VPS13B: variants seen among roughly 807,000 people sequenced by gnomAD.
The protein encoded by VPS13B is intermembrane lipid transfer protein VPS13B.
A neutral mutation model predicts 426.4 loss-of-function variants in VPS13B; 285 were observed. The ratio of observed to expected loss-of-function variants is 0.67; its 90% CI spans 0.61 to 0.74. VPS13B has a LOEUF of 0.74. VPS13B is among the 30% of genes least tolerant of loss of function. VPS13B has a pLI of 0.00. For synonymous variants in VPS13B, 1,676 were observed against 1,676.4 expected (o/e 1.00, Z 0.01); for missense variants, 4,537 against 4,782.6 (o/e 0.95, Z 1.51).
At chr8:99,507,113 A>T (rs778580771) in intron 27 of VPS13B, 24 bp from the exon 28 acceptor site, 1 of 1,613,616 alleles carries the variant, frequency 6.2e-7, no homozygotes, top group African/African-American at 1.3e-5. Flanking sequence ...AAGAGAACAG[A>T]TAAGGTGAAC....
At chr8:99,387,677 G>T (rs1455431969) in intron 20 of VPS13B, among the ~76,000 whole-genome samples, 1 of 151,964 alleles carries the variant, frequency 6.6e-6, no homozygotes, top group Non-Finnish European at 1.5e-5. Context: ...GAATTGCATA[G>T]TTGAGCCATA....
At chr8:99,132,089 G>T (rs1809834422) in intron 8 of VPS13B, among the ~76,000 whole-genome samples, 1 of 152,094 alleles carries the variant, frequency 6.6e-6, no homozygotes. Context: ...TAGAGATGGG[G>T]TTTCACCACT....
intron 19 of VPS13B, among the ~76,000 whole-genome samples, chr8:99,370,822 C>A (rs1805157331): frequency 6.6e-6 from 1 of 152,042 alleles, no homozygotes; most frequent in Non-Finnish European, 1.5e-5. Context: ...TTTGGCCAGG[C>A]TGGTCTCGAA....
At chr8:99,032,839 C>T (rs1468197959) in intron 2 of VPS13B, among the ~76,000 whole-genome samples, 2 of 151,944 alleles carry the variant, frequency 1.3e-5, no homozygotes, top group African/African-American at 4.8e-5. Flanking sequence ...TGCGCCTGGC[C>T]CGAATTATTT....
At chr8:99,479,096 C>T (rs1263156257) in intron 24 of VPS13B, among the ~76,000 whole-genome samples, 1 of 152,102 alleles carries the variant, frequency 6.6e-6, no homozygotes, top group Non-Finnish European at 1.5e-5. Flanking sequence ...GGCCCTTCCT[C>T]TCTAGCCACC....
At chr8:99,680,605 A>G (rs1436548249) in intron 35 of VPS13B, among the ~76,000 whole-genome samples, 1 of 152,224 alleles carries the variant, frequency 6.6e-6, no homozygotes, top group Admixed American at 6.5e-5. Context: ...TATGTTCTGA[A>G]AATGGTGAGA....
In VPS13B at chr8:99,870,165, T is replaced by TAACA. The variant is rs962447039; in HGVS notation, c.11393-618_11393-615dup. On this transcript the variant is annotated intron_variant, in intron 59 of 61. Coordinates refer to ENST00000357162, the MANE Select transcript of VPS13B (RefSeq NM_152564.5). ...ATACAGAAGTATTAAGGAAGTTAAC[T>TAACA]AACAATCTAGACTTTTTTTTTTAGA... is the stretch of plus-strand genomic sequence containing the variant. Among the ~76,000 whole-genome samples, 146 of 151,968 alleles carry TAACA rather than the reference T, an allele frequency of 9.6e-4. 1 individual carries two copies. Among genetic ancestry groups the TAACA allele is most frequent in the African/African-American group, 3.4e-3 (141 of 41,250 alleles).
Position 99,167,639 on chromosome 8 carries a change from A to G in VPS13B, c.2209-2400A>G, listed in dbSNP as rs113643353. On this transcript the variant is annotated intron_variant, in intron 15 of 61. Transcript: ENST00000357162. ...TTCTAAATCCATTACAATTTCTTCT[A>G]TTTGAGATATTAATTCAAGAACATT... 1.8e-3 allele frequency among the ~76,000 whole-genome samples: 276 copies of G among 152,226 alleles called. 1 individual carries two copies. Among genetic ancestry groups the G allele is most frequent in the African/African-American group, 6.3e-3 (262 of 41,582 alleles).
intron 42 of VPS13B, among the ~76,000 whole-genome samples, chr8:99,783,223 T>C (rs947108860): frequency 6.6e-6 from 1 of 152,156 alleles, no homozygotes; most frequent in Non-Finnish European, 1.5e-5. Flanking sequence ...TGCTTCTGAG[T>C]TGTATCTCTG....
At chr8:99,394,103 A>G (rs1171639043) in intron 21 of VPS13B, among the ~76,000 whole-genome samples, 2 of 152,272 alleles carry the variant, frequency 1.3e-5, no homozygotes, top group South Asian at 2.1e-4. Flanking sequence ...AGCATTAGGT[A>G]TAAATCAGTA....
intron 19 of VPS13B, among the ~76,000 whole-genome samples, chr8:99,296,638 A>G (rs1820056856): frequency 6.6e-6 from 1 of 152,208 alleles, no homozygotes; most frequent in African/African-American, 2.4e-5. Context: ...TCCTATGTTA[A>G]AACTTAATCA....
At position 99,828,390 on chromosome 8, in the gene VPS13B, CA is replaced by C. The variant is rs1814820790; in HGVS notation, c.9331-3978del. 3.1e-5 allele frequency among the ~76,000 whole-genome samples: 3 copies of C among 96,836 alleles called. 1 individual carries two copies. Among genetic ancestry groups the C allele is most frequent in the Non-Finnish European group, 6.0e-5 (3 of 50,080 alleles). 63.5% of individuals were successfully genotyped at this position (96,836 alleles called of 152,430 possible). A position where few individuals can be genotyped will look rare whatever the true frequency, so the allele number is the denominator to read the frequency against. On this transcript the variant is annotated intron_variant, in intron 51 of 61. Transcript: ENST00000357162. ...TTTTATCAGAGACTAGGATTACAACCACCGTTTTTTTTTTTTTTTTTTTTTT... is the reference window on the plus strand; with the variant it reads ...TTTTATCAGAGACTAGGATTACAACCCCGTTTTTTTTTTTTTTTTTTTTTT...
At chr8:99,557,275 T>C (rs560324729) in intron 31 of VPS13B, among the ~76,000 whole-genome samples, 1 of 152,016 alleles carries the variant, frequency 6.6e-6, no homozygotes, top group Non-Finnish European at 1.5e-5. Context: ...ATGTAGTCTT[T>C]TATCCCTCAC....
intron 8 of VPS13B, among the ~76,000 whole-genome samples, chr8:99,130,683 T>A (rs1809738524): frequency 1.3e-5 from 2 of 152,068 alleles, no homozygotes; most frequent in Admixed American, 6.6e-5. Flanking sequence ...AGCCACCGCA[T>A]GAGTCCTTTT....
chr8:99,143,174 C>T lies in VPS13B; in HGVS notation c.1843+9C>T. The T allele has an allele frequency of 1.2e-6, 2 of 1,613,844 alleles. No individual in the cohort carries two copies. The highest frequency in any genetic ancestry group is 2.2e-5 in the South Asian group (2 of 91,014). Reference sequence around the variant, plus strand: ...TAGCAGGCTAAAATCAGGTTTGTTTCTGGATTAATTTTGAATCTTTTGCCA... The same window carrying T: ...TAGCAGGCTAAAATCAGGTTTGTTTTTGGATTAATTTTGAATCTTTTGCCA... On this transcript the variant is annotated intron_variant, in intron 13 of 61. Coordinates refer to ENST00000357162, the MANE Select transcript of VPS13B (RefSeq NM_152564.5).
intron 2 of VPS13B, among the ~76,000 whole-genome samples, chr8:99,035,797 A>G (rs1842715549): frequency 6.6e-6 from 1 of 152,192 alleles, no homozygotes; most frequent in Admixed American, 6.5e-5. Context: ...AAGAGTGTAT[A>G]AGTATTCCAT....
rs542987280 is a variant in VPS13B, at chr8:99,167,849, A to G, written c.2209-2190A>G. Among the ~76,000 whole-genome samples, 5 of 152,190 alleles carry G rather than the reference A, an allele frequency of 3.3e-5. No individual in the cohort carries two copies. The East Asian group carries it at 5.8e-4, about 18-fold the overall frequency. Reference sequence around the variant, plus strand: ...GGTAGTTATACTTACTGTTTCATACATTTTTATTGCTCCAGATTATTAGTT... The same window carrying G: ...GGTAGTTATACTTACTGTTTCATACGTTTTTATTGCTCCAGATTATTAGTT... On this transcript the variant is annotated intron_variant, in intron 15 of 61. Transcript: ENST00000357162.
intron 34 of VPS13B, among the ~76,000 whole-genome samples, chr8:99,647,302 C>G (rs946696303): frequency 6.6e-6 from 1 of 152,094 alleles, no homozygotes; most frequent in Non-Finnish European, 1.5e-5. Context: ...TGGCTCACTT[C>G]TGTAATTCCA....
intron 39 of VPS13B, among the ~76,000 whole-genome samples, chr8:99,729,839 G>A (rs1290578647): frequency 1.3e-5 from 2 of 152,158 alleles, no homozygotes; most frequent in Non-Finnish European, 2.9e-5. Context: ...GAGTCAGATA[G>A]TAATAGTCAG....
Sources: gnomAD v4.1 joint callset for allele counts (sites outside exome capture counted in the v4.1 genomes callset) on GRCh38, gnomAD v4.1.1 for gene constraint, MANE v1.5 for transcripts, NCBI Gene and HGNC (gene_info 2026-07-23, HGNC 2026-07-21) for gene names.